Variants in ERAP2 observed in about 807,000 individuals in gnomAD.
The protein encoded by ERAP2 is leukocyte-derived arginine aminopeptidase.
ERAP2 carries 118 observed loss-of-function variants against 111.1 expected under a neutral mutation model. The ratio of observed to expected loss-of-function variants is 1.06; its 90% CI spans 0.92 to 1.24. The LOEUF is 1.24. Ranked by LOEUF, ERAP2 falls within the 50% of genes most tolerant of loss-of-function variation. The pLI is 0.00. For missense variants in ERAP2, 1,131 were observed against 1,125.8 expected, an observed-to-expected ratio of 1.00 and a Z score of -0.07; for synonymous variants, 410 against 401.2, an observed-to-expected ratio of 1.02 and a Z score of -0.26.
intron 13 of ERAP2, among the ~76,000 whole-genome samples, chr5:96,904,049 G>T (rs1285556952): frequency 1.3e-5 from 2 of 152,154 alleles, no homozygotes; most frequent in African/African-American, 4.8e-5. Flanking sequence ...AATCTCTTAA[G>T]GAAAAGTACA....
intron 6 of ERAP2, 33 bp downstream of exon 6, chr5:96,892,486 A>T (rs764590222): frequency 1.9e-6 from 3 of 1,611,448 alleles, no homozygotes; most frequent in East Asian, 2.2e-5. Context: ...TCTCGATATC[A>T]GTTCAAAATA....
intron 6 of ERAP2, among the ~76,000 whole-genome samples, chr5:96,893,987 T>C (rs947788711): frequency 1.3e-5 from 2 of 152,198 alleles, no homozygotes; most frequent in Non-Finnish European, 2.9e-5. Flanking sequence ...AAATGAACAC[T>C]GTCCTGGCAA....
chr5:96,879,817 T>C lies in ERAP2; in HGVS notation c.132T>C (p.Tyr44=). The C allele has an allele frequency of 6.2e-7, 1 of 1,614,186 alleles. No homozygotes were observed. The highest frequency in any genetic ancestry group is 8.5e-7 in the Non-Finnish European group (1 of 1,180,028). Residue 44 remains tyrosine, a synonymous_variant, in exon 2 of 19, where the codon TAT becomes TAC. Transcript: ENST00000437043. ...CTCAGTTCTCAGTGCCATCTAGTTA[T>C]CACTTCACTGAGGATCCTGGGGCTT... ...ICSQFSVPSS[Y]HFTEDPGAFP... is the part of the protein sequence containing the mutation.
intron 18 of ERAP2, among the ~76,000 whole-genome samples, chr5:96,916,456 CTTTTTT>C (rs745860227): frequency 2.6e-4 from 25 of 97,626 alleles, no homozygotes; most frequent in African/African-American, 7.7e-4. Context: ...TTCTAGTTAT[CTTTTTT>C]TTTTTTTTTT....
chr5:96,881,337 C>T (rs566549709), intron 2 of ERAP2: 1 of 445,374 alleles, frequency 2.2e-6, no homozygotes, highest in Non-Finnish European at 4.5e-6. Context: ...TGGAGTGAAA[C>T]AATTGAACTT....
At position 96,915,208 on chromosome 5, in the gene ERAP2, C is replaced by A. The variant is rs549996460; in HGVS notation, c.2658-480C>A. Among the ~76,000 whole-genome samples, 7 of 152,192 alleles carry A rather than the reference C, an allele frequency of 4.6e-5. No individual in the cohort carries two copies. In the East Asian group the frequency reaches 1.2e-3, roughly 25 times the overall value. ...TATTTTAGTACAGATAGGGTTTCTC[C>A]ATGCTGGTCAGGCAGGTCTCAAACT... is the stretch of plus-strand genomic sequence containing the variant. On this transcript the variant is annotated intron_variant, in intron 17 of 18. Transcript: ENST00000437043.
At chr5:96,896,623 C>A in intron 8 of ERAP2, 109 bp from the exon 9 acceptor site, 2 of 1,436,414 alleles carry the variant, frequency 1.4e-6, no homozygotes, top group East Asian at 2.4e-5. Context: ...TTTATTTGTT[C>A]ACTTTTCAGA....
At chr5:96,894,307 G>A (rs770394417) in intron 6 of ERAP2, among the ~76,000 whole-genome samples, 2 of 152,164 alleles carry the variant, frequency 1.3e-5, no homozygotes, top group Non-Finnish European at 2.9e-5. Context: ...CCCTTTCCAT[G>A]AATGCCCTTC....
intron 13 of ERAP2, among the ~76,000 whole-genome samples, chr5:96,906,782 A>C (rs1285082816): frequency 6.6e-6 from 1 of 152,240 alleles, no homozygotes; most frequent in Non-Finnish European, 1.5e-5. Context: ...CTGTAATCCC[A>C]GTACTTCGTG....
chr5:96,886,755 ACT>A lies in ERAP2; in HGVS notation c.820_821del (p.Leu274GlufsTer34), dbSNP rs1380735718. On this transcript the variant is annotated frameshift_variant, in exon 4 of 19. Coordinates refer to ENST00000437043, the MANE Select transcript of ERAP2 (RefSeq NM_022350.5). LOFTEE classifies it high-confidence loss of function. ...GTAGCCTACATAGTTTGTGATTTCC[ACT>A]CTCTGAGTGGCTTCACTTCATCAGG... The A allele has an allele frequency of 1.3e-6, 2 of 1,529,190 alleles. No homozygotes were observed. The highest frequency in any genetic ancestry group is 1.8e-6 in the Non-Finnish European group (2 of 1,122,252). The allele number at this position is 1,529,190 out of a possible 1,614,324, so 94.7% of individuals were successfully genotyped here. A position where few individuals can be genotyped will look rare whatever the true frequency, so the allele number is the denominator to read the frequency against.
At chr5:96,901,835 T>C (rs1220864548) in intron 11 of ERAP2, among the ~76,000 whole-genome samples, 154 bp downstream of exon 11, 1 of 152,188 alleles carries the variant, frequency 6.6e-6, no homozygotes, top group Non-Finnish European at 1.5e-5. Context: ...TTAAAGAGCT[T>C]CATATAACCC....
At chr5:96,893,349 C>T (rs1195802827) in intron 6 of ERAP2, among the ~76,000 whole-genome samples, 2 of 152,104 alleles carry the variant, frequency 1.3e-5, no homozygotes, top group Admixed American at 1.3e-4. Flanking sequence ...TAACTTTATC[C>T]TTTATCGTCA....
intron 3 of ERAP2, among the ~76,000 whole-genome samples, chr5:96,884,985 A>G (rs937183965): frequency 6.6e-6 from 1 of 152,200 alleles, no homozygotes; most frequent in African/African-American, 2.4e-5. Context: ...CCATCCTGGA[A>G]GAACTTACAC....
intron 17 of ERAP2, among the ~76,000 whole-genome samples, chr5:96,913,728 T>C (rs1325197837): frequency 6.6e-6 from 1 of 152,194 alleles, no homozygotes; most frequent in Non-Finnish European, 1.5e-5. Context: ...TTAAATGCAG[T>C]CATCAGCCCC....
chr5:96,889,346 T>G (rs1484909622), intron 5 of ERAP2, 41 bp downstream of exon 5: 1 of 1,610,876 alleles, frequency 6.2e-7, no homozygotes, highest in Non-Finnish European at 8.5e-7. Flanking sequence ...TTTTTGCTCA[T>G]AAAACTTGCT....
In ERAP2 at chr5:96,909,654, G is replaced by A. The variant is rs1202590000; in HGVS notation, c.2244G>A (p.Arg748=). 1.2e-6 allele frequency: 2 copies of A among 1,614,192 alleles called. No individual in the cohort carries two copies. The highest frequency in any genetic ancestry group is 4.5e-5 in the East Asian group (2 of 44,882). The part of the protein sequence containing the change: ...SWSDKGSVWD[R]MLRSALLKLA... The stretch of plus-strand genomic sequence containing the variant: ...GTGACAAGGGCTCAGTCTGGGACAG[G>A]ATGCTCCGCTCGGCTCTCTTGAAGC... The change falls in exon 15 of 19, where the codon AGG becomes AGA. Residue 748 remains arginine (R), a synonymous_variant. Coordinates refer to ENST00000437043, the MANE Select transcript of ERAP2 (RefSeq NM_022350.5).
chr5:96,914,349 G>A (rs1046532383), intron 17 of ERAP2, among the ~76,000 whole-genome samples: 1 of 152,156 alleles, frequency 6.6e-6, no homozygotes, highest in Non-Finnish European at 1.5e-5. Flanking sequence ...AGCCGTGGAA[G>A]GTTTAGAGTC....
intron 5 of ERAP2, among the ~76,000 whole-genome samples, chr5:96,890,982 A>G (rs1199213017): frequency 6.6e-6 from 1 of 152,204 alleles, no homozygotes; most frequent in Non-Finnish European, 1.5e-5. Context: ...CTTAGGAAAA[A>G]ATAGAGCAGA....
Position 96,918,264 on chromosome 5 carries a change from T to C in ERAP2, c.*659T>C, listed in dbSNP as rs1472267976. 6.6e-6 allele frequency: 1 copy of C among 152,382 alleles called. No homozygotes were observed. The highest frequency in any genetic ancestry group is 1.5e-5 in the Non-Finnish European group (1 of 68,064). The allele number at this position is 152,382 out of a possible 1,614,324, so 9.4% of individuals were successfully genotyped here. A position where few individuals can be genotyped will look rare whatever the true frequency, so the allele number is the denominator to read the frequency against. On this transcript the variant is annotated 3_prime_UTR_variant, in exon 19 of 19. Transcript: ENST00000437043. ...AGTGACTTTCTCCATTGCTTCACGC[T>C]ATGCCACTATTTTGCTTCTTTAATT...
Sources: gnomAD v4.1 joint callset for allele counts (sites outside exome capture counted in the v4.1 genomes callset) on GRCh38, gnomAD v4.1.1 for gene constraint, MANE v1.5 for transcripts, NCBI Gene and HGNC (gene_info 2026-07-23, HGNC 2026-07-21) for gene names.